PWWP3B: variants seen among roughly 807,000 people sequenced by gnomAD.
The protein encoded by PWWP3B is PWWP domain-containing DNA repair factor 3B.
Under a neutral mutation model 15.7 loss-of-function variants are expected in PWWP3B, and 5 were observed. That is an observed-to-expected ratio of 0.32 (90% CI 0.17 to 0.67). The LOEUF is 0.67. Among genes scored for constraint, PWWP3B ranks in the 30% least tolerant of loss-of-function variants. The pLI, the probability that PWWP3B is intolerant of heterozygous loss-of-function variation, is 0.74. For missense variants in PWWP3B, 519 were observed against 493.1 expected, an observed-to-expected ratio of 1.05 and a Z score of -0.50; for synonymous variants, 203 against 179.8, an observed-to-expected ratio of 1.13 and a Z score of -1.03.
Position 106,206,786 on chromosome X carries a change from C to A in PWWP3B, c.1354C>A (p.Gln452Lys). 1.7e-6 allele frequency: 2 copies of A among 1,211,125 alleles called. No homozygotes were observed. The highest frequency in any genetic ancestry group is 2.2e-6 in the Non-Finnish European group (2 of 895,139). ...AAAGAAATTTGATTGTAAAGAGAAACAAATGCTAGTGGACAAAGCCAGGGA... is the reference window on the plus strand; with the variant it reads ...AAAGAAATTTGATTGTAAAGAGAAAAAAATGCTAGTGGACAAAGCCAGGGA... ...RLKKFDCKEK[Q>K]MLVDKAREDY... Residue 452 changes from glutamine to lysine, a missense_variant, in exon 4 of 4, where the codon CAA becomes AAA. Physicochemically the swap from Gln to Lys is moderately conservative, Grantham distance 53. Transcript: ENST00000357175.
Position 106,208,422 on chromosome X carries a change from A to C in PWWP3B, c.*899A>C, listed in dbSNP as rs1924170380. The C allele has an allele frequency of 8.1e-6, 1 of 124,052 alleles. No homozygotes were observed. The highest frequency in any genetic ancestry group is 1.9e-5 in the Non-Finnish European group (1 of 53,476). The allele number at this position is 124,052 out of a possible 1,213,427, so 10.2% of individuals were successfully genotyped here. On this transcript the variant is annotated 3_prime_UTR_variant, in exon 4 of 4. Transcript: ENST00000357175. Reference sequence around the variant, plus strand: ...ACATATGAATCCAGGCTGACTGCTTAAGTGCCCATCTCGTTTGATATAAAC... The same window carrying C: ...ACATATGAATCCAGGCTGACTGCTTCAGTGCCCATCTCGTTTGATATAAAC...
At chrX:106,195,529 A>C (rs1923324190) in intron 2 of PWWP3B, among the ~76,000 whole-genome samples, 1 of 111,688 alleles carries the variant, frequency 9.0e-6, no homozygotes, top group Admixed American at 9.5e-5. Context: ...GGGGTCAAGA[A>C]GAATATTTTG....
chrX:106,203,718 ATTG>A (rs1190508158), intron 2 of PWWP3B, among the ~76,000 whole-genome samples: 1 of 112,219 alleles, frequency 8.9e-6, no homozygotes, highest in Non-Finnish European at 1.9e-5. Context: ...ACACAAGACA[ATTG>A]TTACTTCTTT....
chrX:106,203,414 C>T (rs1253657328), intron 2 of PWWP3B, among the ~76,000 whole-genome samples: 1 of 111,385 alleles, frequency 9.0e-6, no homozygotes, highest in African/African-American at 3.3e-5. Flanking sequence ...GTATGTAGTC[C>T]TTATGGAATA....
intron 2 of PWWP3B, among the ~76,000 whole-genome samples, chrX:106,189,147 C>G (rs931878322): frequency 2.0e-4 from 22 of 112,200 alleles, no homozygotes; most frequent in Non-Finnish European, 1.9e-5. Context: ...TGATACACAT[C>G]ATTGCTAGAA....
chrX:106,204,059 G>T lies in PWWP3B; in HGVS notation c.-326G>T, dbSNP rs942102842. ...GCCAACCAAGCCTTGGAAAGACAGT[G>T]CAACCACAGAAGTGCCGAGCTGGGT... On this transcript the variant is annotated 5_prime_UTR_variant, in exon 3 of 4. Coordinates refer to ENST00000357175, the MANE Select transcript of PWWP3B (RefSeq NM_001171020.2). 2 of 111,923 alleles carry T rather than the reference G, an allele frequency of 1.8e-5. No homozygotes were observed. The highest frequency in any genetic ancestry group is 6.5e-5 in the African/African-American group (2 of 30,771). 9.2% of individuals were successfully genotyped at this position (111,923 alleles called of 1,213,427 possible). A position where few individuals can be genotyped will look rare whatever the true frequency, so the allele number is the denominator to read the frequency against.
chrX:106,203,511 A>G (rs765349529), intron 2 of PWWP3B, among the ~76,000 whole-genome samples: 25 of 111,867 alleles, frequency 2.2e-4, no homozygotes, highest in Non-Finnish European at 4.5e-4. Flanking sequence ...CACTAGACAG[A>G]TTTTCTAAAT....
At chrX:106,205,053 T>A (rs763074572) in intron 3 of PWWP3B, among the ~76,000 whole-genome samples, 166 bp from the exon 4 acceptor site, 9 of 110,827 alleles carry the variant, frequency 8.1e-5, no homozygotes, top group Non-Finnish European at 1.1e-4. Flanking sequence ...TCTGGTTTTT[T>A]TCCACCCCTC....
intron 2 of PWWP3B, among the ~76,000 whole-genome samples, chrX:106,189,633 T>TC (rs1491184319): frequency 2.1e-5 from 2 of 96,781 alleles, no homozygotes; most frequent in Non-Finnish European, 4.1e-5. Context: ...TTTTTTTTTT[T>TC]CTGAGACGGA....
chrX:106,178,635 A>T (rs1922024632), intron 2 of PWWP3B, among the ~76,000 whole-genome samples: 1 of 112,015 alleles, frequency 8.9e-6, no homozygotes, highest in Non-Finnish European at 1.9e-5. Flanking sequence ...AGTTGGGGGA[A>T]AATTGCATTT....
chrX:106,201,060 A>G (rs1263943844), intron 2 of PWWP3B, among the ~76,000 whole-genome samples: 2 of 109,368 alleles, frequency 1.8e-5, no homozygotes, highest in African/African-American at 6.8e-5. Context: ...AAAAAAAAAT[A>G]AAATAAAATA....
At chrX:106,182,099 C>T (rs1045453342) in intron 2 of PWWP3B, among the ~76,000 whole-genome samples, 2 of 112,185 alleles carry the variant, frequency 1.8e-5, no homozygotes, top group Admixed American at 9.4e-5. Context: ...TGTAGTCCTC[C>T]TTTCTCAGCA....
At chrX:106,191,919 C>G (rs1922997601) in intron 2 of PWWP3B, among the ~76,000 whole-genome samples, 5 of 111,525 alleles carry the variant, frequency 4.5e-5, no homozygotes, top group African/African-American at 1.3e-4. Context: ...TAAGCTTTTT[C>G]ATGGGCTGCT....
chrX:106,205,613 T>C lies in PWWP3B; in HGVS notation c.181T>C (p.Ser61Pro). The change falls in exon 4 of 4, where the codon TCT (serine) becomes CCT (proline). Residue 61 changes from serine (S) to proline (P), a missense_variant. Physicochemically the swap from Ser to Pro is moderately conservative, Grantham distance 74 (BLOSUM62 -1). Coordinates refer to ENST00000357175, the MANE Select transcript of PWWP3B (RefSeq NM_001171020.2). The stretch of plus-strand genomic sequence containing the variant: ...CACAGAAACAAAGATCCTAAATAAA[T>C]CTCAAATTGAAGCCATTGCTGCCTC... ...DSTETKILNK[S>P]QIEAIAASLG... is the part of the protein sequence containing the mutation. 8.3e-7 allele frequency: 1 copy of C among 1,208,861 alleles called. No individual in the cohort carries two copies. The highest frequency in any genetic ancestry group is 1.1e-6 in the Non-Finnish European group (1 of 894,297).
intron 2 of PWWP3B, among the ~76,000 whole-genome samples, chrX:106,202,164 T>C (rs764714285): frequency 6.2e-5 from 7 of 112,016 alleles, no homozygotes; most frequent in African/African-American, 9.7e-5. Flanking sequence ...AGTTGATTGA[T>C]ACATAAAAAG....
chrX:106,170,270 GA>G (rs1024292238), intron 1 of PWWP3B, among the ~76,000 whole-genome samples: 2 of 111,958 alleles, frequency 1.8e-5, no homozygotes, highest in South Asian at 7.3e-4. Flanking sequence ...AGTCTCTACA[GA>G]AAAAAATCTA....
chrX:106,174,831 T>C (rs1026482536), intron 2 of PWWP3B, among the ~76,000 whole-genome samples: 6 of 110,985 alleles, frequency 5.4e-5, no homozygotes. Flanking sequence ...GCAGATCACC[T>C]GAAGTCAGGA....
chrX:106,193,343 C>T (rs1447556757), intron 2 of PWWP3B, among the ~76,000 whole-genome samples: 1 of 111,189 alleles, frequency 9.0e-6, no homozygotes, highest in Non-Finnish European at 1.9e-5. Flanking sequence ...TCTGTTTTAT[C>T]CGAGACTAGG....
At chrX:106,186,194 C>A (rs937775099) in intron 2 of PWWP3B, among the ~76,000 whole-genome samples, 1 of 110,846 alleles carries the variant, frequency 9.0e-6, no homozygotes, top group East Asian at 2.8e-4. Flanking sequence ...CTCGCTTGGA[C>A]GACATGACTT....
Sources: gnomAD v4.1 joint callset for allele counts (sites outside exome capture counted in the v4.1 genomes callset) on GRCh38, gnomAD v4.1.1 for gene constraint, MANE v1.5 for transcripts, NCBI Gene and HGNC (gene_info 2026-07-23, HGNC 2026-07-21) for gene names.